The following SORCS3 variants were observed in gnomAD, a reference collection of about 807,000 sequenced individuals.
SORCS3 encodes the protein sortilin related VPS10 domain containing receptor 3, also known as VPS10 domain-containing receptor SorCS3.
Under a neutral mutation model 146.3 loss-of-function variants are expected in SORCS3, and 57 were observed. The ratio of observed to expected loss-of-function variants is 0.39; its 90% CI spans 0.31 to 0.49. The LOEUF (loss-of-function observed/expected upper bound fraction) is 0.49. SORCS3 is among the 20% of genes least tolerant of loss of function. The pLI is 0.92. For missense variants in SORCS3, 1,341 were observed against 1,575.5 expected, an observed-to-expected ratio of 0.85 and a Z score of 2.52; for synonymous variants, 653 against 618.5, an observed-to-expected ratio of 1.06 and a Z score of -0.83.
At chr10:104,796,310 A>G (rs1382171204) in intron 1 of SORCS3, among the ~76,000 whole-genome samples, 2 of 152,256 alleles carry the variant, frequency 1.3e-5, no homozygotes, top group Non-Finnish European at 2.9e-5. Context: ...GATAATAAAT[A>G]GCACTGGCTC....
intron 7 of SORCS3, among the ~76,000 whole-genome samples, chr10:105,111,580 A>G (rs10884089): frequency 0.18 from 28,100 of 152,280 alleles, 2,870 homozygotes; most frequent in Admixed American, 0.24. Flanking sequence ...AGAAATGACC[A>G]TGCAATGTAC....
intron 1 of SORCS3, among the ~76,000 whole-genome samples, chr10:104,810,513 A>C (rs906466391): frequency 1.3e-5 from 2 of 152,232 alleles, no homozygotes; most frequent in Non-Finnish European, 2.9e-5. Context: ...CAGTCTCATC[A>C]TATTAAGTAG....
intron 2 of SORCS3, among the ~76,000 whole-genome samples, chr10:104,853,270 G>A (rs180768450): frequency 6.6e-6 from 1 of 152,226 alleles, no homozygotes; most frequent in African/African-American, 2.4e-5. Context: ...CTGCACTCCA[G>A]CCTGGATGAC....
chr10:105,194,278 C>T (rs1330649095), intron 14 of SORCS3, among the ~76,000 whole-genome samples: 1 of 152,098 alleles, frequency 6.6e-6, no homozygotes, highest in East Asian at 1.9e-4. Flanking sequence ...TGAGCCAAGC[C>T]TATTGAAAGT....
intron 10 of SORCS3, 120 bp from the exon 11 acceptor site, chr10:105,158,772 C>G (rs1423154322): frequency 4.1e-6 from 3 of 723,820 alleles, no homozygotes; most frequent in East Asian, 2.8e-5. Flanking sequence ...AACTGTGTGA[C>G]TCACCATCCA....
At chr10:104,738,093 C>T (rs866227297) in intron 1 of SORCS3, among the ~76,000 whole-genome samples, 8 of 151,974 alleles carry the variant, frequency 5.3e-5, no homozygotes, top group South Asian at 4.1e-4. Context: ...TGTAGATATG[C>T]GGCGTTATTT....
intron 3 of SORCS3, among the ~76,000 whole-genome samples, chr10:104,931,000 CAG>C (rs1337889923): frequency 8.5e-5 from 13 of 152,224 alleles, no homozygotes; most frequent in Non-Finnish European, 1.3e-4. Context: ...CCCTTGAAAA[CAG>C]GGGATAATTC....
intron 1 of SORCS3, among the ~76,000 whole-genome samples, chr10:104,657,943 A>T (rs1443494943): frequency 6.6e-6 from 1 of 152,244 alleles, no homozygotes; most frequent in East Asian, 1.9e-4. Flanking sequence ...GGAGATTGGT[A>T]GGAGTTGTGC....
intron 14 of SORCS3, among the ~76,000 whole-genome samples, chr10:105,197,496 C>A (rs1343050156): frequency 1.3e-5 from 2 of 152,110 alleles, no homozygotes; most frequent in East Asian, 1.9e-4. Flanking sequence ...TCAAAAGCAA[C>A]CACAATTTTC....
intron 4 of SORCS3, among the ~76,000 whole-genome samples, chr10:105,025,583 C>G (rs1478623735): frequency 1.3e-5 from 2 of 152,072 alleles, no homozygotes; most frequent in Non-Finnish European, 2.9e-5. Flanking sequence ...ATTTTTGAAT[C>G]TCACTCCAGT....
At chr10:104,995,678 A>G (rs73334032) in intron 4 of SORCS3, among the ~76,000 whole-genome samples, 8,129 of 152,204 alleles carry the variant, frequency 0.053, 250 homozygotes, top group Middle Eastern at 0.082. Flanking sequence ...CAAATGCGTG[A>G]TTTACGGTGC....
chr10:104,764,599 G>T (rs1018149951), intron 1 of SORCS3, among the ~76,000 whole-genome samples: 1 of 152,184 alleles, frequency 6.6e-6, no homozygotes, highest in Non-Finnish European at 1.5e-5. Context: ...ATAGTAATTT[G>T]TAAATCATAA....
intron 1 of SORCS3, among the ~76,000 whole-genome samples, chr10:104,819,533 G>A (rs1329022501): frequency 2.6e-5 from 4 of 152,136 alleles, no homozygotes; most frequent in African/African-American, 4.8e-5. Context: ...CCAGGTAAAT[G>A]CTTGCTGGTT....
intron 3 of SORCS3, among the ~76,000 whole-genome samples, chr10:104,963,665 C>T (rs997109732): frequency 9.9e-5 from 15 of 152,098 alleles, no homozygotes; most frequent in Admixed American, 5.9e-4. Flanking sequence ...GCCCTCTCCC[C>T]GGAGTATAAA....
Position 104,919,275 on chromosome 10 carries a change from C to T in SORCS3, c.795+3343C>T, listed in dbSNP as rs561760480. The stretch of plus-strand genomic sequence containing the variant: ...ACATCACCAAAGTGTAGTTAACTCC[C>T]ATCTGGGAGGCACTGCCACCCAGAA... On this transcript the variant is annotated intron_variant, in intron 3 of 26. Coordinates refer to ENST00000369701, the MANE Select transcript of SORCS3 (RefSeq NM_014978.3). Among the ~76,000 whole-genome samples, 3 of 152,316 alleles carry T rather than the reference C, an allele frequency of 2.0e-5. 1 individual carries two copies. The South Asian group carries it at 6.2e-4, about 32-fold the overall frequency.
chr10:105,120,108 G>A (rs1221727276), intron 7 of SORCS3, among the ~76,000 whole-genome samples: 1 of 152,110 alleles, frequency 6.6e-6, no homozygotes, highest in Non-Finnish European at 1.5e-5. Context: ...GAATCATGGG[G>A]GCGGTTGCCC....
At chr10:105,045,660 C>G (rs2055367309) in intron 5 of SORCS3, among the ~76,000 whole-genome samples, 1 of 152,060 alleles carries the variant, frequency 6.6e-6, no homozygotes, top group African/African-American at 2.4e-5. Context: ...ACAAAATATG[C>G]ATTTCTCTGG....
rs748524827 is a variant in SORCS3 at position 105,147,646 on chromosome 10, C to T, written c.1332C>T (p.Asn444=). ...TGCACATCATCAGTACAGACGAGAA[C>T]CAAGTATTTGCTGCGGTCCAAGAAT... ...KDMHIISTDE[N]QVFAAVQEWN... The change falls in exon 9 of 27, where the codon AAC becomes AAT. Residue 444 remains asparagine, a synonymous_variant. Transcript: ENST00000369701. 20 of 1,612,634 alleles carry T rather than the reference C, an allele frequency of 1.2e-5. No individual in the cohort carries two copies. Among genetic ancestry groups the T allele is most frequent in the Non-Finnish European group, 1.6e-5 (19 of 1,179,122 alleles).
chr10:104,713,740 C>T (rs568279565), intron 1 of SORCS3, among the ~76,000 whole-genome samples: 125 of 152,176 alleles, frequency 8.2e-4, no homozygotes, highest in African/African-American at 2.9e-3. Flanking sequence ...AGAGATAATT[C>T]GTCTGTAGTT....
Sources: gnomAD v4.1 joint callset for allele counts (sites outside exome capture counted in the v4.1 genomes callset) on GRCh38, gnomAD v4.1.1 for gene constraint, MANE v1.5 for transcripts, NCBI Gene and HGNC (gene_info 2026-07-23, HGNC 2026-07-21) for gene names.